PTPRT: variants seen among roughly 807,000 people sequenced by gnomAD.
PTPRT encodes the protein receptor-type tyrosine-protein phosphatase T.
Under a neutral mutation model 176.8 loss-of-function variants are expected in PTPRT, and 56 were observed. The observed-to-expected ratio is 0.32, with a 90% CI of 0.26 to 0.40. The LOEUF is 0.40. PTPRT is among the 10% of genes least tolerant of loss of function. The probability of loss-of-function intolerance (pLI) is 1.00; values close to 1 mark genes in which losing one functional copy is unlikely to be tolerated. For synonymous variants in PTPRT, 783 were observed against 739.0 expected, an observed-to-expected ratio of 1.06 and a Z score of -0.96; for missense variants, 1,540 against 1,908.2, an observed-to-expected ratio of 0.81 and a Z score of 3.60.
intron 12 of PTPRT, among the ~76,000 whole-genome samples, chr20:42,310,100 A>AC (rs1453581877): frequency 6.6e-6 from 1 of 152,120 alleles, no homozygotes; most frequent in Admixed American, 6.5e-5. Flanking sequence ...CTGAATTAAG[A>AC]CCCCAAAGTG....
At chr20:42,159,560 A>C (rs1035310632) in intron 17 of PTPRT, among the ~76,000 whole-genome samples, 1 of 152,108 alleles carries the variant, frequency 6.6e-6, no homozygotes, top group Admixed American at 6.6e-5. Context: ...GGGACCATTC[A>C]ACCCCCTAGG....
intron 1 of PTPRT, among the ~76,000 whole-genome samples, chr20:43,168,099 C>A (rs1005535069): frequency 6.6e-6 from 1 of 152,174 alleles, no homozygotes; most frequent in Non-Finnish European, 1.5e-5. Flanking sequence ...CATCCTAATC[C>A]AGGAGTCACA....
intron 1 of PTPRT, among the ~76,000 whole-genome samples, chr20:42,960,296 G>A (rs545994462): frequency 2.0e-5 from 3 of 152,186 alleles, no homozygotes; most frequent in Non-Finnish European, 4.4e-5. Flanking sequence ...GGTGCTGGCA[G>A]GTTTGGTGTC....
intron 1 of PTPRT, among the ~76,000 whole-genome samples, chr20:43,087,726 A>C (rs1020717863): frequency 6.6e-6 from 1 of 152,052 alleles, no homozygotes. Flanking sequence ...TAAAGGAGGG[A>C]CGAATCTTCA....
intron 16 of PTPRT, among the ~76,000 whole-genome samples, chr20:42,179,650 C>T (rs1990434059): frequency 6.6e-6 from 1 of 151,904 alleles, no homozygotes; most frequent in Non-Finnish European, 1.5e-5. Flanking sequence ...GGTGACTAAA[C>T]CCTCACCACA....
In PTPRT at chr20:43,120,333, G is replaced by A. The variant is rs564461660; in HGVS notation, c.88+69313C>T. On this transcript the variant is annotated intron_variant, in intron 1 of 30. Transcript: ENST00000373187. The stretch of plus-strand genomic sequence containing the variant: ...GTTGCCCAGGCTGGAGTGCAGTGGC[G>A]CGACCTCGGCTCACTGCAAGCTCCG... 4.0e-5 allele frequency among the ~76,000 whole-genome samples: 6 copies of A among 151,234 alleles called. No homozygotes were observed. In the South Asian group the frequency reaches 6.3e-4, roughly 16 times the overall value.
intron 1 of PTPRT, among the ~76,000 whole-genome samples, chr20:42,935,417 G>A (rs905722966): frequency 6.6e-6 from 1 of 151,986 alleles, no homozygotes; most frequent in African/African-American, 2.4e-5. Context: ...TGGGATTACA[G>A]ACATGAGCCA....
At chr20:43,016,788 C>A (rs1280823405) in intron 1 of PTPRT, among the ~76,000 whole-genome samples, 2 of 151,954 alleles carry the variant, frequency 1.3e-5, no homozygotes, top group Non-Finnish European at 2.9e-5. Context: ...CCGCCCACCT[C>A]GGCCTCCCAA....
At chr20:42,082,100 A>G in intron 29 of PTPRT, 83 bp from the exon 30 acceptor site, 1 of 1,588,818 alleles carries the variant, frequency 6.3e-7, no homozygotes, top group Non-Finnish European at 8.6e-7. Flanking sequence ...CAGTAGGAGT[A>G]GGGATCAGCT....
At chr20:42,107,349 T>C (rs1478866386) in intron 23 of PTPRT, among the ~76,000 whole-genome samples, 1 of 151,448 alleles carries the variant, frequency 6.6e-6, no homozygotes, top group African/African-American at 2.4e-5. Flanking sequence ...AGACAGAGAG[T>C]GGTTGGTGGA....
chr20:42,108,031 G>T (rs909219006), intron 23 of PTPRT, among the ~76,000 whole-genome samples: 1 of 146,646 alleles, frequency 6.8e-6, no homozygotes, highest in African/African-American at 2.5e-5. Context: ...CTGTGTCTGG[G>T]AGGGAGTATA....
At chr20:43,094,049 A>T (rs2011999943) in intron 1 of PTPRT, among the ~76,000 whole-genome samples, 1 of 149,970 alleles carries the variant, frequency 6.7e-6, no homozygotes, top group South Asian at 2.1e-4. Context: ...CAGACACTTC[A>T]TCACAATCCT....
At chr20:43,173,063 G>T (rs770413987) in intron 1 of PTPRT, among the ~76,000 whole-genome samples, 2 of 151,904 alleles carry the variant, frequency 1.3e-5, no homozygotes, top group African/African-American at 4.8e-5. Flanking sequence ...GTAGAGACGG[G>T]GGTTTCTCCA....
chr20:42,243,146 G>T (rs2056388336), intron 14 of PTPRT, among the ~76,000 whole-genome samples: 1 of 152,084 alleles, frequency 6.6e-6, no homozygotes, highest in African/African-American at 2.4e-5. Flanking sequence ...AGAATGTAGA[G>T]AATCCTGGGT....
chr20:43,001,399 T>TA (rs144690746), intron 1 of PTPRT, among the ~76,000 whole-genome samples: 1,719 of 152,182 alleles, frequency 0.011, 14 homozygotes, highest in South Asian at 0.018. Flanking sequence ...CTTTATTATT[T>TA]AAAAAATTTT....
At chr20:42,496,746 C>T (rs1184380150) in intron 7 of PTPRT, among the ~76,000 whole-genome samples, 2 of 151,862 alleles carry the variant, frequency 1.3e-5, no homozygotes, top group Admixed American at 6.6e-5. Flanking sequence ...TTTTCCCTAG[C>T]AGTAATTTAT....
chr20:42,122,087 G>A (rs562903420), intron 19 of PTPRT, among the ~76,000 whole-genome samples: 10 of 152,218 alleles, frequency 6.6e-5, no homozygotes, highest in Admixed American at 6.5e-4. Context: ...CTATTCAGGT[G>A]ATGGTTACAC....
intron 14 of PTPRT, among the ~76,000 whole-genome samples, chr20:42,242,005 T>C (rs1349500496): frequency 6.6e-6 from 1 of 152,222 alleles, no homozygotes; most frequent in Non-Finnish European, 1.5e-5. Context: ...GTAATTTCCT[T>C]AAACTCTATT....
At chr20:42,369,457 C>A (rs1026437655) in intron 9 of PTPRT, among the ~76,000 whole-genome samples, 11 of 152,222 alleles carry the variant, frequency 7.2e-5, no homozygotes, top group Non-Finnish European at 1.6e-4. Context: ...TCGCAGGCTA[C>A]TTCTCCCAGC....
Sources: gnomAD v4.1 joint callset for allele counts (sites outside exome capture counted in the v4.1 genomes callset) on GRCh38, gnomAD v4.1.1 for gene constraint, MANE v1.5 for transcripts, NCBI Gene and HGNC (gene_info 2026-07-23, HGNC 2026-07-21) for gene names.